The following KIFAP3 variants were observed in gnomAD, a reference collection of about 807,000 sequenced individuals.
KIFAP3 encodes kinesin-associated protein 3.
KIFAP3 carries 68 observed loss-of-function variants against 106.5 expected under a neutral mutation model. The ratio of observed to expected loss-of-function variants is 0.64; its 90% CI spans 0.53 to 0.78. The LOEUF is 0.78. Ranked by LOEUF, KIFAP3 falls within the 30% of genes least tolerant of loss-of-function variation. The pLI, the probability that KIFAP3 is intolerant of heterozygous loss-of-function variation, is 0.00. For missense variants in KIFAP3, 780 were observed against 941.8 expected, an observed-to-expected ratio of 0.83 and a Z score of 2.25; for synonymous variants, 320 against 311.5, an observed-to-expected ratio of 1.03 and a Z score of -0.29.
chr1:170,055,501 T>C (rs1346862502), intron 1 of KIFAP3, 65 bp from the exon 2 acceptor site: 4 of 1,330,298 alleles, frequency 3.0e-6, no homozygotes, highest in Non-Finnish European at 4.1e-6. Flanking sequence ...GGTTTTTATC[T>C]ATTTTTAGGT....
chr1:170,053,435 C>A (rs1423496391), intron 2 of KIFAP3, among the ~76,000 whole-genome samples: 2 of 152,000 alleles, frequency 1.3e-5, no homozygotes, highest in Admixed American at 6.6e-5. Flanking sequence ...CGATGCTATT[C>A]CCATCAAGCT....
At chr1:169,957,014 T>C (rs1665050699) in intron 18 of KIFAP3, among the ~76,000 whole-genome samples, 1 of 152,174 alleles carries the variant, frequency 6.6e-6, no homozygotes, top group African/African-American at 2.4e-5. Context: ...CTTTCTTTAC[T>C]AGAATGAGGT....
intron 10 of KIFAP3, among the ~76,000 whole-genome samples, chr1:170,007,305 G>A (rs1298233578): frequency 2.6e-5 from 4 of 151,714 alleles, no homozygotes; most frequent in Non-Finnish European, 5.9e-5. Flanking sequence ...TGGGAAGAGG[G>A]AGACAGAGAG....
chr1:170,051,720 T>C (rs1427265506), intron 2 of KIFAP3, among the ~76,000 whole-genome samples: 1 of 152,138 alleles, frequency 6.6e-6, no homozygotes, highest in African/African-American at 2.4e-5. Flanking sequence ...ACATGGAAAC[T>C]GAACAACCTG....
intron 19 of KIFAP3, among the ~76,000 whole-genome samples, chr1:169,938,883 G>A (rs887760863): frequency 6.6e-6 from 1 of 152,168 alleles, no homozygotes; most frequent in African/African-American, 2.4e-5. Flanking sequence ...GACAAAGTGC[G>A]AAAGAACTTG....
intron 19 of KIFAP3, among the ~76,000 whole-genome samples, chr1:169,953,437 A>C (rs907009239): frequency 6.8e-6 from 1 of 147,374 alleles, no homozygotes; most frequent in Non-Finnish European, 1.5e-5. Flanking sequence ...TGCATTCATT[A>C]ATTAGGCAAA....
chr1:170,061,655 A>T (rs1571755461), intron 1 of KIFAP3, among the ~76,000 whole-genome samples: 1 of 152,308 alleles, frequency 6.6e-6, no homozygotes, highest in East Asian at 1.9e-4. Flanking sequence ...CAGCCATCCC[A>T]TTACTGGGTA....
upstream of KIFAP3, among the ~76,000 whole-genome samples, chr1:170,075,428 C>CCT (rs1671881280): frequency 6.6e-6 from 1 of 152,192 alleles, no homozygotes; most frequent in Non-Finnish European, 1.5e-5. Flanking sequence ...AAAGAAAGCA[C>CCT]CTCTACTCCC....
At chr1:169,970,679 T>C (rs988289473) in intron 17 of KIFAP3, among the ~76,000 whole-genome samples, 2 of 152,006 alleles carry the variant, frequency 1.3e-5, no homozygotes, top group Admixed American at 1.3e-4. Flanking sequence ...TAAAAAGAAT[T>C]TTAAGACATC....
At chr1:169,964,003 G>A (rs925368715) in intron 17 of KIFAP3, among the ~76,000 whole-genome samples, 2 of 151,892 alleles carry the variant, frequency 1.3e-5, no homozygotes, top group Non-Finnish European at 1.5e-5. Flanking sequence ...AGATCTTTAC[G>A]TCAGTTAAAT....
Position 170,053,649 on chromosome 1 carries a change from A to T in KIFAP3, c.164+1656T>A, listed in dbSNP as rs535094650. Among the ~76,000 whole-genome samples the T allele has an allele frequency of 4.4e-3, 658 of 151,114 alleles. 8 individuals carry two copies. The highest frequency in any genetic ancestry group is 0.015 in the African/African-American group (600 of 40,568). On this transcript the variant is annotated intron_variant, in intron 2 of 19. Transcript: ENST00000361580. The stretch of plus-strand genomic sequence containing the variant: ...TGGTACTGGTATCAAAACAGGGATA[A>T]AGACCAATGGAACAGAACAGAGACT...
rs1571568414 is a variant in KIFAP3, at chr1:169,963,084, CAGTCCTG to C, written c.1984-1856_1984-1850del. On this transcript the variant is annotated intron_variant, in intron 17 of 19. Coordinates refer to ENST00000361580, the MANE Select transcript of KIFAP3 (RefSeq NM_014970.4). ...AGCATAGTACCAAATAGGTAGTTTT[CAGTCCTG>C]ACTCTCCTCCCACCCTCTACCCTTA... Among the ~76,000 whole-genome samples the C allele has an allele frequency of 3.9e-5, 6 of 152,240 alleles. No homozygotes were observed. The East Asian group carries it at 1.2e-3, about 29-fold the overall frequency.
At chr1:169,973,537 A>G (rs1245195903) in intron 16 of KIFAP3, among the ~76,000 whole-genome samples, 2 of 151,340 alleles carry the variant, frequency 1.3e-5, no homozygotes, top group Non-Finnish European at 3.0e-5. Context: ...GATATTAAAA[A>G]AAAAAAAAGA....
At chr1:169,961,445 G>A (rs1665326661) in intron 17 of KIFAP3, among the ~76,000 whole-genome samples, 1 of 152,006 alleles carries the variant, frequency 6.6e-6, no homozygotes, top group Non-Finnish European at 1.5e-5. Context: ...GATCACTAAT[G>A]GCAATGGCAA....
chr1:170,072,879 T>C (rs2102180731), intron 1 of KIFAP3, among the ~76,000 whole-genome samples: 1 of 152,284 alleles, frequency 6.6e-6, no homozygotes, highest in South Asian at 2.1e-4. Flanking sequence ...AATTGAGAAA[T>C]GTATTTTTCA....
intron 16 of KIFAP3, among the ~76,000 whole-genome samples, chr1:169,975,818 T>G (rs1666196733): frequency 6.6e-6 from 1 of 152,174 alleles, no homozygotes; most frequent in African/African-American, 2.4e-5. Flanking sequence ...GGAAAAGCAC[T>G]TCAGTGATCT....
chr1:170,010,642 G>A (rs1041601506), intron 10 of KIFAP3, among the ~76,000 whole-genome samples: 1 of 151,790 alleles, frequency 6.6e-6, no homozygotes, highest in African/African-American at 2.4e-5. Context: ...AGCAGGGGTC[G>A]CAATGTACTA....
At chr1:170,057,108 T>A (rs939437626) in intron 1 of KIFAP3, among the ~76,000 whole-genome samples, 14 of 152,278 alleles carry the variant, frequency 9.2e-5, no homozygotes, top group Middle Eastern at 3.4e-3. Flanking sequence ...ACTTCCTTCC[T>A]GATAACATGA....
intron 7 of KIFAP3, 39 bp from the exon 8 acceptor site, chr1:170,032,023 C>A (rs1557851044): frequency 9.1e-6 from 10 of 1,098,476 alleles, no homozygotes; most frequent in Admixed American, 7.7e-5. Flanking sequence ...CTCATTGAAG[C>A]AAAAAAAATC....
Sources: gnomAD v4.1 joint callset for allele counts (sites outside exome capture counted in the v4.1 genomes callset) on GRCh38, gnomAD v4.1.1 for gene constraint, MANE v1.5 for transcripts, NCBI Gene and HGNC (gene_info 2026-07-23, HGNC 2026-07-21) for gene names.